Variants in MAGI1 observed in about 807,000 individuals in gnomAD.
The protein encoded by MAGI1 is membrane associated guanylate kinase, WW and PDZ domain containing 1.
In MAGI1, 58 loss-of-function variants were observed where a neutral mutation model predicts 139.9. That is an observed-to-expected ratio of 0.41 (90% CI 0.34 to 0.52). The LOEUF (loss-of-function observed/expected upper bound fraction) is 0.52. Among genes scored for constraint, MAGI1 ranks in the 20% least tolerant of loss-of-function variants. MAGI1 has a pLI of 0.12. For synonymous variants in MAGI1, 812 were observed against 737.9 expected (o/e 1.10, Z -1.63); for missense variants, 1,874 against 1,901.6 (o/e 0.99, Z 0.27).
intron 1 of MAGI1, among the ~76,000 whole-genome samples, chr3:65,962,608 G>A (rs1232046499): frequency 6.6e-6 from 1 of 151,622 alleles, no homozygotes; most frequent in Non-Finnish European, 1.5e-5. Context: ...GCTGAGGTGG[G>A]AAGACTGCTT....
chr3:65,504,319 C>G (rs1317249290), intron 2 of MAGI1, among the ~76,000 whole-genome samples: 3 of 152,188 alleles, frequency 2.0e-5, no homozygotes, highest in Non-Finnish European at 4.4e-5. Flanking sequence ...AAATTATGTT[C>G]ATTTAAAAAA....
intron 1 of MAGI1, among the ~76,000 whole-genome samples, chr3:65,852,446 C>T (rs2059236754): frequency 6.6e-6 from 1 of 151,780 alleles, no homozygotes; most frequent in Non-Finnish European, 1.5e-5. Context: ...GACAGACGTG[C>T]GTATATACAC....
chr3:65,548,212 C>T (rs140192519), intron 2 of MAGI1, among the ~76,000 whole-genome samples: 1 of 152,190 alleles, frequency 6.6e-6, no homozygotes, highest in Non-Finnish European at 1.5e-5. Flanking sequence ...AGGGAAGCCA[C>T]AGAAACTAGA....
intron 1 of MAGI1, among the ~76,000 whole-genome samples, chr3:65,828,800 G>C (rs1030541429): frequency 6.6e-6 from 1 of 152,176 alleles, no homozygotes; most frequent in Non-Finnish European, 1.5e-5. Context: ...TAAAAACTGA[G>C]AACTTTTCCT....
At chr3:65,384,354 C>G (rs1433915230) in intron 14 of MAGI1, among the ~76,000 whole-genome samples, 1 of 152,116 alleles carries the variant, frequency 6.6e-6, no homozygotes, top group East Asian at 1.9e-4. Context: ...AGATTTTTTT[C>G]TTCTCGTTAT....
chr3:65,414,558 G>A (rs1038993847), intron 12 of MAGI1, among the ~76,000 whole-genome samples: 4 of 152,230 alleles, frequency 2.6e-5, no homozygotes, highest in African/African-American at 9.6e-5. Context: ...TTCGTATCCT[G>A]TTCTATTCTC....
chr3:65,896,516 A>G (rs2060976256), intron 1 of MAGI1, among the ~76,000 whole-genome samples: 1 of 152,228 alleles, frequency 6.6e-6, no homozygotes, highest in African/African-American at 2.4e-5. Flanking sequence ...GTTGTTTAAA[A>G]CATGAAAAAC....
intron 1 of MAGI1, among the ~76,000 whole-genome samples, chr3:65,683,349 T>C (rs1311928647): frequency 6.6e-6 from 1 of 152,054 alleles, no homozygotes; most frequent in Non-Finnish European, 1.5e-5. Flanking sequence ...AGCATCACCC[T>C]CATGGGGGAT....
chr3:66,032,517 G>A (rs1323683454), intron 1 of MAGI1, among the ~76,000 whole-genome samples: 2 of 151,436 alleles, frequency 1.3e-5, no homozygotes, highest in African/African-American at 2.4e-5. Flanking sequence ...ACCACGCCTG[G>A]CCCTGCTGGG....
At chr3:65,938,723 C>T (rs1380234468) in intron 1 of MAGI1, among the ~76,000 whole-genome samples, 1 of 152,158 alleles carries the variant, frequency 6.6e-6, no homozygotes, top group African/African-American at 2.4e-5. Flanking sequence ...AGATGTTCTT[C>T]GGTGTAACAA....
chr3:65,404,742 G>A (rs1479585335), intron 12 of MAGI1, among the ~76,000 whole-genome samples: 4 of 152,184 alleles, frequency 2.6e-5, no homozygotes, highest in Non-Finnish European at 5.9e-5. Context: ...AAAGGTCACT[G>A]CTTGCCAAGA....
At chr3:65,586,272 T>C (rs762271216) in intron 2 of MAGI1, among the ~76,000 whole-genome samples, 6 of 151,400 alleles carry the variant, frequency 4.0e-5, no homozygotes, top group Non-Finnish European at 7.4e-5. Context: ...AAAAGCTAAA[T>C]CTAATACCTT....
Position 65,888,461 on chromosome 3 carries a change from A to G in MAGI1, c.313+149535T>C, listed in dbSNP as rs1225095385. On this transcript the variant is annotated intron_variant, in intron 1 of 22. Transcript: ENST00000402939. ...TGTCCAAAAGAATTCCTATGAGGCTACGTTAAGAAGAAAAACATGTTGGAA... is the reference window on the plus strand; with the variant it reads ...TGTCCAAAAGAATTCCTATGAGGCTGCGTTAAGAAGAAAAACATGTTGGAA... Among the ~76,000 whole-genome samples the G allele has an allele frequency of 3.3e-5, 5 of 152,336 alleles. No individual in the cohort carries two copies. In the East Asian group the frequency reaches 9.6e-4, roughly 29 times the overall value.
chr3:65,855,310 T>C (rs34055373), intron 1 of MAGI1, among the ~76,000 whole-genome samples: 6,184 of 151,914 alleles, frequency 0.041, 334 homozygotes, highest in Admixed American at 0.17. Context: ...CTTGGTGCGA[T>C]GGCTCACACC....
intron 2 of MAGI1, among the ~76,000 whole-genome samples, chr3:65,494,440 A>T (rs1224711461): frequency 6.6e-6 from 1 of 152,212 alleles, no homozygotes; most frequent in African/African-American, 2.4e-5. Context: ...AAGTGGAAGC[A>T]ATGAGCAGAA....
chr3:65,574,809 A>T (rs77423053), intron 2 of MAGI1, among the ~76,000 whole-genome samples: 3,988 of 152,210 alleles, frequency 0.026, 83 homozygotes, highest in Admixed American at 0.054. Flanking sequence ...GCCCTCACAT[A>T]TATGGACAAC....
intron 2 of MAGI1, among the ~76,000 whole-genome samples, chr3:65,495,011 ACT>A (rs1325443576): frequency 2.0e-5 from 3 of 152,194 alleles, no homozygotes; most frequent in Non-Finnish European, 4.4e-5. Flanking sequence ...CTACTCTTAC[ACT>A]GTTTCCTAAT....
chr3:65,876,443 A>G (rs2108507548), intron 1 of MAGI1, among the ~76,000 whole-genome samples: 1 of 152,328 alleles, frequency 6.6e-6, no homozygotes, highest in South Asian at 2.1e-4. Context: ...GGAATAAGGT[A>G]GACGGGAAAA....
At chr3:65,749,777 C>T (rs2035994945) in intron 1 of MAGI1, among the ~76,000 whole-genome samples, 3 of 150,668 alleles carry the variant, frequency 2.0e-5, no homozygotes, top group South Asian at 4.2e-4. Context: ...AGGGTTATAG[C>T]CAGTAGAAAT....
Sources: allele counts gnomAD v4.1 joint callset (sites outside exome capture counted in the v4.1 genomes callset), GRCh38; gene constraint gnomAD v4.1.1; transcripts MANE v1.5; gene names NCBI Gene and HGNC (gene_info 2026-07-23, HGNC 2026-07-21).